Variants in APP observed in about 807,000 individuals in gnomAD.
APP encodes amyloid beta precursor protein.
In APP, 31 loss-of-function variants were observed where a neutral mutation model predicts 101.4. That is an observed-to-expected ratio of 0.31 (90% CI 0.23 to 0.41). APP has a LOEUF of 0.41. Ranked by LOEUF, APP falls within the 10% of genes least tolerant of loss-of-function variation. APP has a pLI of 1.00. For synonymous variants in APP, 366 were observed against 364.4 expected (o/e 1.00, Z -0.05); for missense variants, 839 against 1,003.7 (o/e 0.84, Z 2.22).
chr21:25,932,233 GAA>G (rs2040179225), intron 13 of APP, among the ~76,000 whole-genome samples: 1 of 152,102 alleles, frequency 6.6e-6, no homozygotes, highest in African/African-American at 2.4e-5. Context: ...TTCCTGCCGA[GAA>G]CAAAGAAGAA....
chr21:26,131,379 A>G (rs1048489084), intron 1 of APP, among the ~76,000 whole-genome samples: 4 of 152,190 alleles, frequency 2.6e-5, no homozygotes, highest in Admixed American at 2.6e-4. Context: ...CAACCATTTT[A>G]TTGTTCACAG....
chr21:25,929,910 A>G (rs937713663), intron 13 of APP, among the ~76,000 whole-genome samples: 1 of 152,040 alleles, frequency 6.6e-6, no homozygotes, highest in Non-Finnish European at 1.5e-5. Context: ...TTTCTGCTGG[A>G]GCTCTGAACC....
intron 3 of APP, among the ~76,000 whole-genome samples, chr21:26,061,714 G>C (rs369523512): frequency 2.6e-5 from 4 of 152,136 alleles, no homozygotes; most frequent in Admixed American, 2.6e-4. Context: ...AACTATTACC[G>C]GATAATAGTG....
Position 26,021,865 on chromosome 21 carries a change from T to C in APP, c.840A>G (p.Thr280=), listed in dbSNP as rs2044353519. The change falls in exon 6 of 18, where the codon ACA becomes ACG. Residue 280 remains threonine, a synonymous_variant. Coordinates refer to ENST00000346798, the MANE Select transcript of APP (RefSeq NM_000484.4). ...TSIATTTTTT[T]ESVEEVVREV... ...CTCGAACCACCTCTTCCACAGACTC[T>C]GTGGTGGTGGTGGTGGTGGTGGCAA... The C allele has an allele frequency of 6.2e-7, 1 of 1,613,282 alleles. No individual in the cohort carries two copies. Among genetic ancestry groups the C allele is most frequent in the Non-Finnish European group, 8.5e-7 (1 of 1,179,682 alleles).
At chr21:25,896,492 T>G (rs1203015953) in intron 16 of APP, among the ~76,000 whole-genome samples, 1 of 151,560 alleles carries the variant, frequency 6.6e-6, no homozygotes, top group Non-Finnish European at 1.5e-5. Context: ...TATGGAAATT[T>G]TCTTACCATT....
At chr21:25,952,768 C>CAAACAAACA (rs1569099061) in intron 13 of APP, among the ~76,000 whole-genome samples, 12 of 139,410 alleles carry the variant, frequency 8.6e-5, no homozygotes, top group African/African-American at 3.8e-4. Flanking sequence ...ACAAACAAAC[C>CAAACAAACA]ATGTTTTCTA....
intron 13 of APP, chr21:25,933,802 T>G (rs2040248218): frequency 6.6e-6 from 1 of 152,198 alleles, no homozygotes; most frequent in Non-Finnish European, 1.5e-5. Flanking sequence ...TTATTATTTT[T>G]TTTTTAATGA....
chr21:26,002,331 G>A (rs961468148), intron 6 of APP, among the ~76,000 whole-genome samples: 1 of 151,846 alleles, frequency 6.6e-6, no homozygotes, highest in African/African-American at 2.4e-5. Flanking sequence ...TACTGAAAGA[G>A]CAACGTGTAT....
chr21:26,169,025 T>A (rs2063680748), intron 1 of APP, among the ~76,000 whole-genome samples: 1 of 152,012 alleles, frequency 6.6e-6, no homozygotes, highest in African/African-American at 2.4e-5. Context: ...GAAAAACGGG[T>A]AAGGAAGGTT....
rs1428343247 is a variant in APP at position 25,925,175 on chromosome 21, G to A, written c.1688-13213C>T. Among the ~76,000 whole-genome samples the A allele has an allele frequency of 8.1e-5, 8 of 98,176 alleles. 1 individual carries two copies. The South Asian group carries it at 2.2e-3, about 27-fold the overall frequency. 64.4% of individuals were successfully genotyped at this position (98,176 alleles called of 152,430 possible). The stretch of plus-strand genomic sequence containing the variant: ...CCAGGAGGCCCACTGTAAATCAAGC[G>A]GTCACCCACTTCCAGCTAGGCATTT... On this transcript the variant is annotated intron_variant, in intron 13 of 17. Coordinates refer to ENST00000346798, the MANE Select transcript of APP (RefSeq NM_000484.4).
At chr21:25,979,330 T>A (rs772235933) in intron 9 of APP, among the ~76,000 whole-genome samples, 11 of 152,348 alleles carry the variant, frequency 7.2e-5, no homozygotes, top group Middle Eastern at 3.4e-3. Flanking sequence ...CTCTATGGAT[T>A]CTTATAAAGC....
intron 3 of APP, among the ~76,000 whole-genome samples, chr21:26,071,908 C>CT (rs2061418131): frequency 6.6e-6 from 1 of 152,216 alleles, no homozygotes; most frequent in African/African-American, 2.4e-5. Context: ...GGTCAGTTCC[C>CT]TCTCTTGAGG....
chr21:26,136,134 AAAG>A (rs1435851931), intron 1 of APP, among the ~76,000 whole-genome samples: 2 of 79,438 alleles, frequency 2.5e-5, no homozygotes, highest in African/African-American at 1.0e-4. Flanking sequence ...CTGTCTCAAA[AAAG>A]AAAAAAGAAA....
At chr21:26,084,363 C>T (rs569365514) in intron 3 of APP, among the ~76,000 whole-genome samples, 3 of 145,010 alleles carry the variant, frequency 2.1e-5, no homozygotes, top group South Asian at 2.3e-4. Flanking sequence ...CTCAGCCTCC[C>T]GAGTAGCTGG....
At chr21:25,893,916 A>G (rs181065544) in intron 16 of APP, among the ~76,000 whole-genome samples, 14 of 152,352 alleles carry the variant, frequency 9.2e-5, no homozygotes, top group African/African-American at 3.1e-4. Context: ...CCTGCCTTCA[A>G]AGCTTCAAAG....
At chr21:25,886,818 C>T (rs552686067) in intron 17 of APP, among the ~76,000 whole-genome samples, 3 of 152,260 alleles carry the variant, frequency 2.0e-5, no homozygotes, top group South Asian at 2.1e-4. Context: ...TTCAACCTGA[C>T]CACTCTCTCC....
intron 2 of APP, among the ~76,000 whole-genome samples, chr21:26,110,934 G>C (rs989931781): frequency 6.6e-6 from 1 of 152,068 alleles, no homozygotes; most frequent in African/African-American, 2.4e-5. Flanking sequence ...TATCTAAGAA[G>C]TGTGAGATAA....
intron 13 of APP, among the ~76,000 whole-genome samples, chr21:25,928,091 T>C (rs1204162824): frequency 6.6e-6 from 1 of 152,116 alleles, no homozygotes; most frequent in African/African-American, 2.4e-5. Flanking sequence ...ACGCCTGTAA[T>C]CCCAGCATTT....
intron 11 of APP, among the ~76,000 whole-genome samples, chr21:25,971,293 G>A (rs886380794): frequency 1.8e-4 from 27 of 152,162 alleles, no homozygotes; most frequent in East Asian, 7.7e-4. Context: ...TGATCCGCCC[G>A]CCTTGGCCTC....
Sources: gnomAD v4.1 joint callset for allele counts (sites outside exome capture counted in the v4.1 genomes callset) on GRCh38, gnomAD v4.1.1 for gene constraint, MANE v1.5 for transcripts, NCBI Gene and HGNC (gene_info 2026-07-23, HGNC 2026-07-21) for gene names.